Variants in TUBB3 observed in about 807,000 individuals in gnomAD.
The protein encoded by TUBB3 is tubulin beta-3 chain.
In TUBB3, 17 loss-of-function variants were observed where a neutral mutation model predicts 37.8. The ratio of observed to expected loss-of-function variants is 0.45; its 90% CI spans 0.31 to 0.67. The LOEUF is 0.67. Among genes scored for constraint, TUBB3 ranks in the 30% least tolerant of loss-of-function variants. TUBB3 has a pLI of 0.07. For synonymous variants in TUBB3, 332 were observed against 278.9 expected (o/e 1.19, Z -1.90); for missense variants, 262 against 657.9 (o/e 0.40, Z 6.58).
chr16:89,929,783 C>T (rs1025452298), intron 1 of TUBB3, among the ~76,000 whole-genome samples: 5 of 152,160 alleles, frequency 3.3e-5, no homozygotes, highest in African/African-American at 4.8e-5. Flanking sequence ...CTCACTGCAA[C>T]CTCCACCTCC....
At chr16:89,933,124 C>G (rs376201991) in intron 2 of TUBB3, 1 of 573,180 alleles carries the variant, frequency 1.7e-6, no homozygotes. Context: ...GAGACAGTCT[C>G]GATATGTTGC....
intron 1 of TUBB3, among the ~76,000 whole-genome samples, chr16:89,927,370 G>T (rs1597420238): frequency 6.7e-6 from 1 of 150,318 alleles, no homozygotes; most frequent in African/African-American, 2.4e-5. Flanking sequence ...GGGCAATAGA[G>T]CAAGACCCTA....
intron 1 of TUBB3, among the ~76,000 whole-genome samples, chr16:89,931,459 G>A (rs2030275820): frequency 6.6e-6 from 1 of 152,230 alleles, no homozygotes; most frequent in Non-Finnish European, 1.5e-5. Flanking sequence ...GAGGCCTGCT[G>A]CCTGCAGACA....
intron 1 of TUBB3, 97 bp from the exon 2 acceptor site, chr16:89,932,474 C>T: frequency 9.7e-7 from 1 of 1,027,104 alleles, no homozygotes; most frequent in South Asian, 1.3e-5. Flanking sequence ...GTCAAAAGCC[C>T]TAATTTTGTA....
intron 1 of TUBB3, among the ~76,000 whole-genome samples, chr16:89,927,950 T>TC (rs2144406567): frequency 6.6e-6 from 1 of 152,198 alleles, no homozygotes; most frequent in South Asian, 2.1e-4. Context: ...GGGAGCAAGG[T>TC]CCCCGACTCA....
intron 1 of TUBB3, among the ~76,000 whole-genome samples, chr16:89,931,482 G>T (rs1461098066): frequency 1.3e-5 from 2 of 152,230 alleles, no homozygotes; most frequent in African/African-American, 2.4e-5. Flanking sequence ...GCTCCCAGAC[G>T]CAGCGGCCTC....
chr16:89,932,937 C>T, intron 2 of TUBB3: 1 of 551,540 alleles, frequency 1.8e-6, no homozygotes. Context: ...GGGGCACAGA[C>T]AGGGATGGGG....
At chr16:89,928,350 C>A (rs893510650) in intron 1 of TUBB3, among the ~76,000 whole-genome samples, 1 of 151,610 alleles carries the variant, frequency 6.6e-6, no homozygotes, top group Admixed American at 6.6e-5. Context: ...GCCACCATGG[C>A]CAGCTGATTT....
At position 89,932,813 on chromosome 16, in the gene TUBB3, T is replaced by C. The variant is rs985782935; in HGVS notation, c.166+134T>C. 51 of 740,744 alleles carry C rather than the reference T, an allele frequency of 6.9e-5. No individual in the cohort carries two copies. In the South Asian group the frequency reaches 7.6e-4, roughly 11 times the overall value. The allele number at this position is 740,744 out of a possible 1,614,324, so 45.9% of individuals were successfully genotyped here. On this transcript the variant is annotated intron_variant, in intron 2 of 3. Transcript: ENST00000315491. The stretch of plus-strand genomic sequence containing the variant: ...CTCCCATGGGTTAGGTTGGCTGAGA[T>C]GCCAGCAGGCGTAACTGGATGTCAG...
At position 89,935,057 on chromosome 16, in the gene TUBB3, C is replaced by G; in HGVS notation, c.606C>G (p.Ile202Met). The G allele has an allele frequency of 6.2e-7, 1 of 1,614,192 alleles. No homozygotes were observed. Among genetic ancestry groups the G allele is most frequent in the Non-Finnish European group, 8.5e-7 (1 of 1,180,022 alleles). ...LVENTDETYC[I>M]DNEALYDICF... ...AGAACACGGATGAGACCTACTGCATCGACAACGAGGCGCTCTACGACATCT... is the reference window on the plus strand; with the variant it reads ...AGAACACGGATGAGACCTACTGCATGGACAACGAGGCGCTCTACGACATCT... Residue 202 changes from isoleucine (I) to methionine (M), a missense_variant, in exon 4 of 4, where the codon ATC becomes ATG. By Grantham distance (10) the Ile-to-Met change is conservative (BLOSUM62 1). Coordinates refer to ENST00000315491, the MANE Select transcript of TUBB3 (RefSeq NM_006086.4).
chr16:89,935,213 C>A lies in TUBB3; in HGVS notation c.762C>A (p.Ala254=), dbSNP rs758044135. ...TCAACGCTGACCTGCGCAAGCTGGC[C>A]GTCAACATGGTGCCCTTCCCGCGCC... is the stretch of plus-strand genomic sequence containing the variant. ...GQLNADLRKL[A]VNMVPFPRLH... The change falls in exon 4 of 4, where the codon GCC becomes GCA. Residue 254 remains alanine (A), a synonymous_variant. Coordinates refer to ENST00000315491, the MANE Select transcript of TUBB3 (RefSeq NM_006086.4). 2 of 1,613,914 alleles carry A rather than the reference C, an allele frequency of 1.2e-6. No homozygotes were observed. The highest frequency in any genetic ancestry group is 1.7e-6 in the Non-Finnish European group (2 of 1,180,024).
intron 1 of TUBB3, among the ~76,000 whole-genome samples, chr16:89,927,084 T>C (rs2030113546): frequency 6.6e-6 from 1 of 151,916 alleles, no homozygotes; most frequent in Non-Finnish European, 1.5e-5. Flanking sequence ...TTATTAAATA[T>C]GTAACATAGG....
rs572889049 is a variant in TUBB3 at position 89,932,801 on chromosome 16, G to C, written c.166+122G>C. 64 of 804,406 alleles carry C rather than the reference G, an allele frequency of 8.0e-5. No homozygotes were observed. The African/African-American group carries it at 1.0e-3, about 13-fold the overall frequency. The allele number at this position is 804,406 out of a possible 1,614,324, so 49.8% of individuals were successfully genotyped here. On this transcript the variant is annotated intron_variant, in intron 2 of 3. Transcript: ENST00000315491. ...AGCATCTCTGTCCTCCCATGGGTTAGGTTGGCTGAGATGCCAGCAGGCGTA... is the reference window on the plus strand; with the variant it reads ...AGCATCTCTGTCCTCCCATGGGTTACGTTGGCTGAGATGCCAGCAGGCGTA...
chr16:89,923,517 G>T, intron 1 of TUBB3, 59 bp downstream of exon 1: 11 of 1,327,766 alleles, frequency 8.3e-6, no homozygotes, highest in Non-Finnish European at 1.1e-5. Context: ...GAGGCGCCGT[G>T]CCCCGCGGGC....
intron 1 of TUBB3, among the ~76,000 whole-genome samples, chr16:89,931,001 G>A (rs962939388): frequency 6.6e-6 from 1 of 151,930 alleles, no homozygotes; most frequent in Non-Finnish European, 1.5e-5. Context: ...CTAATTTTTT[G>A]TATCTTTAGT....
Position 89,932,207 on chromosome 16 carries a change from G to A in TUBB3, c.58-364G>A, listed in dbSNP as rs59475022. On this transcript the variant is annotated intron_variant, in intron 1 of 3. Coordinates refer to ENST00000315491, the MANE Select transcript of TUBB3 (RefSeq NM_006086.4). Reference sequence around the variant, plus strand: ...GTGTCTCAGTTCCCTTTCCTGAAAAGAGGGGATAGTAAAAACTAACCCTCA... The same window carrying A: ...GTGTCTCAGTTCCCTTTCCTGAAAAAAGGGGATAGTAAAAACTAACCCTCA... 1.9e-3 allele frequency: 676 copies of A among 350,290 alleles called. 3 individuals are homozygous for A. The highest frequency in any genetic ancestry group is 0.013 in the African/African-American group (610 of 47,274). The allele number at this position is 350,290 out of a possible 1,614,324, so 21.7% of individuals were successfully genotyped here. A position where few individuals can be genotyped will look rare whatever the true frequency, so the allele number is the denominator to read the frequency against.
intron 1 of TUBB3, among the ~76,000 whole-genome samples, chr16:89,926,043 C>CG (rs1004362039): frequency 1.5e-4 from 22 of 150,830 alleles, no homozygotes; most frequent in Admixed American, 4.6e-4. Context: ...GCAGTCACCC[C>CG]GGGGGGGGCA....
chr16:89,929,124 G>A (rs1371333559), intron 1 of TUBB3, among the ~76,000 whole-genome samples: 1 of 151,868 alleles, frequency 6.6e-6, no homozygotes, highest in African/African-American at 2.4e-5. Context: ...TACCACGCCC[G>A]GCTAATTTTT....
chr16:89,926,004 C>T (rs1174338773), intron 1 of TUBB3, among the ~76,000 whole-genome samples: 1 of 152,164 alleles, frequency 6.6e-6, no homozygotes, highest in South Asian at 2.1e-4. Context: ...ATGAGAAAAC[C>T]CGAAGCCCGG....
Sources: allele counts gnomAD v4.1 joint callset (sites outside exome capture counted in the v4.1 genomes callset), GRCh38; gene constraint gnomAD v4.1.1; transcripts MANE v1.5; gene names NCBI Gene and HGNC (gene_info 2026-07-23, HGNC 2026-07-21).